Variants in CEP72 observed in about 807,000 individuals in gnomAD.
The protein encoded by CEP72 is centrosomal protein of 72 kDa.
CEP72 carries 78 observed loss-of-function variants against 65.7 expected under a neutral mutation model. The ratio of observed to expected loss-of-function variants is 1.19; its 90% confidence interval spans 0.99 to 1.43. CEP72 has a LOEUF of 1.43. Among genes scored for constraint, CEP72 ranks in the 40% most tolerant of loss-of-function variants. The probability of loss-of-function intolerance (pLI) is 0.00; values close to 1 mark genes in which losing one functional copy is unlikely to be tolerated. For missense variants in CEP72, 914 were observed against 832.9 expected, an observed-to-expected ratio of 1.10 and a Z score of -1.20; for synonymous variants, 358 against 351.7, an observed-to-expected ratio of 1.02 and a Z score of -0.20.
chr5:662,751 A>T (rs916227071), intron 1 of CEP72: 48 of 152,548 alleles, frequency 3.1e-4, no homozygotes, highest in Admixed American at 9.8e-4. Flanking sequence ...TCCGGGTCTC[A>T]GGCTTCGGGA....
Position 635,498 on chromosome 5 carries a change from T to A in CEP72, c.818T>A (p.Leu273His). 1 of 1,614,084 alleles carries A rather than the reference T, an allele frequency of 6.2e-7. No homozygotes were observed. Among genetic ancestry groups the A allele is most frequent in the Non-Finnish European group, 8.5e-7 (1 of 1,180,020 alleles). Residue 273 changes from leucine (L) to histidine (H), a missense_variant, in exon 6 of 12, where the codon CTC becomes CAC. Physicochemically the swap from Leu to His is moderately conservative, Grantham distance 99. Transcript: ENST00000264935. ...CCLEKMPWSQ[L>H]CGELPPLYGA... ...CTGGAGAAGATGCCTTGGAGCCAGC[T>A]CTGTGGAGAGCTTCCGCCACTGTAC... is the stretch of plus-strand genomic sequence containing the variant.
At chr5:625,898 CCTT>C (rs1227634929) in intron 4 of CEP72, among the ~76,000 whole-genome samples, 1 of 152,194 alleles carries the variant, frequency 6.6e-6, no homozygotes, top group African/African-American at 2.4e-5. Context: ...CCAGGTTTCC[CCTT>C]CTTAGAAGGA....
chr5:672,445 C>G, the CEP72 span, among the ~76,000 whole-genome samples: 1 of 152,256 alleles, frequency 6.6e-6, no homozygotes, highest in Non-Finnish European at 1.5e-5. Flanking sequence ...AGCGTGGGTC[C>G]TGGGGGAGGC....
At position 624,341 on chromosome 5, in the gene CEP72, C is replaced by T. The variant is rs2292600; in HGVS notation, c.404-130C>T. On this transcript the variant is annotated intron_variant, in intron 3 of 11. Coordinates refer to ENST00000264935, the MANE Select transcript of CEP72 (RefSeq NM_018140.4). This position sits in a 1 kb window ranked among gnomAD's most constrained non-coding sequence, Gnocchi z 4.7. The stretch of plus-strand genomic sequence containing the variant: ...GTGGGACCACCAGAGCCCAGCATTC[C>T]GGTGCTAGGTTAGTGGGAGCAGGGC... 2.6e-4 allele frequency: 167 copies of T among 649,726 alleles called. No homozygotes were observed. In the East Asian group the frequency reaches 3.9e-3, roughly 15 times the overall value. The allele number at this position is 649,726 out of a possible 1,614,324, so 40.2% of individuals were successfully genotyped here.
rs908466523 is a variant in CEP72, at chr5:645,808, T to C, written c.1666+1383T>C. Among the ~76,000 whole-genome samples, 1 of 152,258 alleles carries C rather than the reference T, an allele frequency of 6.6e-6. No homozygotes were observed. Among genetic ancestry groups the C allele is most frequent in the African/African-American group, 2.4e-5 (1 of 41,476 alleles). On this transcript the variant is annotated intron_variant, in intron 10 of 11. Coordinates refer to ENST00000264935, the MANE Select transcript of CEP72 (RefSeq NM_018140.4). This position sits in a 1 kb window ranked among gnomAD's most constrained non-coding sequence, Gnocchi z 4.0. ...CATAGCTCCCATTTATTTTAGTGTT[T>C]AATGTTAGAGGTGTCTTGGTCTTTG...
At chr5:673,779 C>T in the CEP72 span, among the ~76,000 whole-genome samples, 1 of 152,202 alleles carries the variant, frequency 6.6e-6, no homozygotes, top group Non-Finnish European at 1.5e-5. Flanking sequence ...GCCTGAGCAG[C>T]TCCAGCCCTG....
intron 7 of CEP72, 89 bp downstream of exon 7, chr5:637,907 T>C: frequency 8.0e-7 from 1 of 1,250,026 alleles, no homozygotes; most frequent in Admixed American, 2.8e-5. Flanking sequence ...TGATTACGCC[T>C]GCGGCACTGA....
chr5:656,994 T>C (rs1244751504), downstream of CEP72: 1 of 152,260 alleles, frequency 6.6e-6, no homozygotes, highest in Non-Finnish European at 1.5e-5. Flanking sequence ...GTGATGGAGA[T>C]GACCATGATT....
At chr5:637,210 G>A (rs1362314858) in intron 6 of CEP72, among the ~76,000 whole-genome samples, 3 of 152,202 alleles carry the variant, frequency 2.0e-5, no homozygotes, top group Non-Finnish European at 1.5e-5. Flanking sequence ...CGGTCATCAC[G>A]GGGTGAACAC....
At chr5:640,660 T>C in intron 9 of CEP72, 56 bp downstream of exon 9, 3 of 1,536,948 alleles carry the variant, frequency 2.0e-6, no homozygotes, top group Non-Finnish European at 2.6e-6. Context: ...AACATGGCTC[T>C]GACTTCCAGG....
At chr5:676,548 T>TACATC in the CEP72 span, 26,042 of 152,126 alleles carry the variant, frequency 0.17, 4,152 homozygotes, top group African/African-American at 0.43. Context: ...AGGAATGAAA[T>TACATC]ACATCGGCCA....
the CEP72 span, among the ~76,000 whole-genome samples, chr5:673,207 G>A: frequency 3.9e-5 from 6 of 152,270 alleles, no homozygotes; most frequent in Admixed American, 6.5e-5. Context: ...CCCGGAAATC[G>A]AAGGAAAATC....
chr5:641,460 C>T, intron 9 of CEP72: 3 of 985,452 alleles, frequency 3.0e-6, no homozygotes, highest in Non-Finnish European at 3.6e-6. Flanking sequence ...CTGACAAGTA[C>T]ATACTGTCCG....
the CEP72 span, among the ~76,000 whole-genome samples, chr5:675,499 G>A: frequency 1.7e-4 from 25 of 144,278 alleles, no homozygotes; most frequent in East Asian, 3.3e-3. Flanking sequence ...CATTGTGGCC[G>A]GGGCTGCAGT....
Position 643,710 on chromosome 5 carries a change from C to T in CEP72, c.1540-589C>T, listed in dbSNP as rs562696511. On this transcript the variant is annotated intron_variant, in intron 9 of 11. Coordinates refer to ENST00000264935, the MANE Select transcript of CEP72 (RefSeq NM_018140.4). ...TGGGGACCCTGGCCGCAGGTGCTGGCGGCTTGGATGGCTCACACCTCACCA... is the reference window on the plus strand; with the variant it reads ...TGGGGACCCTGGCCGCAGGTGCTGGTGGCTTGGATGGCTCACACCTCACCA... 1,320 of 968,112 alleles carry T rather than the reference C, an allele frequency of 1.4e-3. 4 individuals are homozygous for T. Among genetic ancestry groups the T allele is most frequent in the Admixed American group, 4.3e-3 (70 of 16,262 alleles). The allele number at this position is 968,112 out of a possible 1,614,324, so 60.0% of individuals were successfully genotyped here. A position where few individuals can be genotyped will look rare whatever the true frequency, so the allele number is the denominator to read the frequency against.
chr5:619,482 T>G (rs1031111457), intron 2 of CEP72, among the ~76,000 whole-genome samples: 1 of 151,914 alleles, frequency 6.6e-6, no homozygotes, highest in Non-Finnish European at 1.5e-5. Context: ...TGATTGGCCC[T>G]GACAGAACCG....
At chr5:643,678 G>T in intron 9 of CEP72, 1 of 985,168 alleles carries the variant, frequency 1.0e-6, no homozygotes, top group Non-Finnish European at 1.2e-6. Context: ...AGGTGAGACG[G>T]GATCCCTGGG....
At chr5:641,570 G>GT (rs1180408262) in intron 9 of CEP72, 12 of 985,120 alleles carry the variant, frequency 1.2e-5, no homozygotes, top group Non-Finnish European at 1.4e-5. Context: ...TTAAACGCAC[G>GT]TGGCCCCCCC....
the CEP72 span, chr5:675,907 T>C: frequency 6.6e-6 from 1 of 152,170 alleles, no homozygotes; most frequent in Non-Finnish European, 1.5e-5. Flanking sequence ...ATGAGGACAC[T>C]GAGGCTGGGA....
Sources: gnomAD v4.1 joint callset for allele counts (sites outside exome capture counted in the v4.1 genomes callset) on GRCh38, gnomAD v4.1.1 for gene constraint, Gnocchi (gnomAD v3.1) non-coding constraint, MANE v1.5 for transcripts, NCBI Gene and HGNC (gene_info 2026-07-23, HGNC 2026-07-21) for gene names.